The following SPMIP2 variants were observed in gnomAD, a reference collection of about 807,000 sequenced individuals.
SPMIP2 encodes sperm microtubule inner protein 2, also known as protein SPMIP2.
the SPMIP2 span, among the ~76,000 whole-genome samples, chr4:159,003,441 C>T: frequency 3.3e-5 from 5 of 152,044 alleles, no homozygotes; most frequent in Non-Finnish European, 5.9e-5. Context: ...AGTCCTATAC[C>T]GGACACATAA....
chr4:158,978,546 C>G, the SPMIP2 span, among the ~76,000 whole-genome samples: 1 of 152,156 alleles, frequency 6.6e-6, no homozygotes, highest in African/African-American at 2.4e-5. Flanking sequence ...TAGTGGAAGA[C>G]TTTACATCTC....
At chr4:158,958,815 A>G in the SPMIP2 span, among the ~76,000 whole-genome samples, 2 of 152,330 alleles carry the variant, frequency 1.3e-5, no homozygotes, top group African/African-American at 4.8e-5. Context: ...TATTCAGGTT[A>G]TTGGTGTCTG....
chr4:159,029,436 G>C, the SPMIP2 span, among the ~76,000 whole-genome samples: 13 of 152,126 alleles, frequency 8.5e-5, no homozygotes, highest in African/African-American at 2.9e-4. Context: ...ACTTAATAGA[G>C]TATGTTATAT....
chr4:159,016,920 A>G, the SPMIP2 span, among the ~76,000 whole-genome samples: 2 of 152,194 alleles, frequency 1.3e-5, no homozygotes, highest in East Asian at 3.8e-4. Context: ...GACAGTGAAC[A>G]TAAGTAACTA....
chr4:158,911,537 T>G, the SPMIP2 span, among the ~76,000 whole-genome samples: 8 of 149,920 alleles, frequency 5.3e-5, no homozygotes, highest in Non-Finnish European at 8.9e-5. Flanking sequence ...TTGCCCTGTC[T>G]GTTCTTCCTA....
chr4:158,975,261 GA>G, the SPMIP2 span, among the ~76,000 whole-genome samples: 1 of 25,284 alleles, frequency 4.0e-5, no homozygotes. Context: ...TGTTCACTCT[GA>G]TGATAGTTTT....
the SPMIP2 span, among the ~76,000 whole-genome samples, chr4:159,072,100 C>T: frequency 2.0e-5 from 3 of 152,300 alleles, no homozygotes; most frequent in Admixed American, 2.0e-4. Flanking sequence ...ATCACTTGGG[C>T]CCAAGGAGTT....
At chr4:158,970,274 C>T in the SPMIP2 span, among the ~76,000 whole-genome samples, 3 of 152,204 alleles carry the variant, frequency 2.0e-5, no homozygotes, top group Non-Finnish European at 4.4e-5. Context: ...GGCACGGTGG[C>T]TCACACCTGT....
At chr4:158,927,056 T>G in the SPMIP2 span, among the ~76,000 whole-genome samples, 1 of 152,232 alleles carries the variant, frequency 6.6e-6, no homozygotes, top group African/African-American at 2.4e-5. Flanking sequence ...ACTATTATTG[T>G]TGAATTGTCT....
At chr4:158,902,580 C>T in the SPMIP2 span, among the ~76,000 whole-genome samples, 1 of 152,222 alleles carries the variant, frequency 6.6e-6, no homozygotes, top group Non-Finnish European at 1.5e-5. Flanking sequence ...GAAGCTGTGC[C>T]TACAGCCGCC....
At chr4:158,971,713 C>A in the SPMIP2 span, among the ~76,000 whole-genome samples, 3 of 152,096 alleles carry the variant, frequency 2.0e-5, no homozygotes, top group Non-Finnish European at 4.4e-5. Context: ...TAGTGCTTTA[C>A]TAATATTAAC....
At chr4:158,991,625 G>GAA in the SPMIP2 span, among the ~76,000 whole-genome samples, 6 of 152,196 alleles carry the variant, frequency 3.9e-5, no homozygotes, top group African/African-American at 1.4e-4. Flanking sequence ...TTCCCCTGAT[G>GAA]AAAACATCGT....
the SPMIP2 span, among the ~76,000 whole-genome samples, chr4:159,016,742 G>GC: frequency 6.8e-3 from 1,038 of 152,258 alleles, 7 homozygotes; most frequent in Non-Finnish European, 0.012. Flanking sequence ...ACAGCAGCCT[G>GC]CCCCCCACAG....
the SPMIP2 span, among the ~76,000 whole-genome samples, chr4:159,080,700 G>A: frequency 6.6e-6 from 1 of 151,514 alleles, no homozygotes; most frequent in African/African-American, 2.4e-5. Context: ...ACAAAATTGG[G>A]CTATCATGGT....
At chr4:159,079,855 A>G in the SPMIP2 span, among the ~76,000 whole-genome samples, 6 of 152,182 alleles carry the variant, frequency 3.9e-5, no homozygotes, top group African/African-American at 1.4e-4. Context: ...GTGTTTTTAA[A>G]AAACACTAAT....
At chr4:158,929,815 G>T in the SPMIP2 span, among the ~76,000 whole-genome samples, 2 of 152,268 alleles carry the variant, frequency 1.3e-5, no homozygotes, top group Admixed American at 6.5e-5. Context: ...GAAAAGAGAA[G>T]TTACAAATCA....
chr4:158,948,562 G>A, the SPMIP2 span, among the ~76,000 whole-genome samples: 20,647 of 147,108 alleles, frequency 0.14, 2,884 homozygotes, highest in African/African-American at 0.37. Context: ...TTCTGATATT[G>A]TGAAGTTTCA....
chr4:158,962,349 T>C, the SPMIP2 span, among the ~76,000 whole-genome samples: 1 of 152,186 alleles, frequency 6.6e-6, no homozygotes, highest in East Asian at 1.9e-4. Context: ...TTTCTTAGTA[T>C]ATCCAATTTT....
the SPMIP2 span, among the ~76,000 whole-genome samples, chr4:159,056,042 C>T: frequency 1.3e-5 from 2 of 152,152 alleles, no homozygotes; most frequent in Admixed American, 6.5e-5. Flanking sequence ...AAAATGATAA[C>T]CAATGTTCCA....
Sources: allele counts gnomAD v4.1 joint callset (sites outside exome capture counted in the v4.1 genomes callset), GRCh38; gene constraint gnomAD v4.1.1; transcripts MANE v1.5; gene names NCBI Gene and HGNC (gene_info 2026-07-23, HGNC 2026-07-21).